The following ITPA variants were observed in gnomAD, a reference collection of about 807,000 sequenced individuals.
ITPA encodes inosine triphosphatase, also known as inosine triphosphate pyrophosphatase.
A neutral mutation model predicts 29.6 loss-of-function variants in ITPA; 29 were observed. The observed-to-expected ratio is 0.98, with a 90% confidence interval of 0.73 to 1.34. The LOEUF (loss-of-function observed/expected upper bound fraction) is 1.34. Ranked by LOEUF, ITPA falls within the 40% of genes most tolerant of loss-of-function variation. The probability of loss-of-function intolerance (pLI) is 0.00; values close to 1 mark genes in which losing one functional copy is unlikely to be tolerated. For synonymous variants in ITPA, 103 were observed against 99.3 expected, an observed-to-expected ratio of 1.04 and a Z score of -0.22; for missense variants, 241 against 251.5, an observed-to-expected ratio of 0.96 and a Z score of 0.28.
At chr20:3,225,065 A>C (rs2067541020), downstream of ITPA, among the ~76,000 whole-genome samples, 1 of 152,112 alleles carries the variant, frequency 6.6e-6, no homozygotes. Context: ...TTTGCTGGGC[A>C]TGGTGGTGCG....
At chr20:3,208,556 G>A (rs936504401), upstream of ITPA, among the ~76,000 whole-genome samples, 7 of 152,072 alleles carry the variant, frequency 4.6e-5, no homozygotes, top group African/African-American at 1.7e-4. Context: ...TGTACTTTTT[G>A]GTAGAGATGG....
At chr20:3,225,911 C>T (rs148441676), downstream of ITPA, among the ~76,000 whole-genome samples, 759 of 152,202 alleles carry the variant, frequency 5.0e-3, 6 homozygotes, top group African/African-American at 0.018. Flanking sequence ...CACCTATAAT[C>T]CCAGCTATTT....
chr20:3,223,348 G>T lies in ITPA; in HGVS notation c.489-18G>T, dbSNP rs1343149914. On this transcript the variant is annotated intron_variant, in intron 7 of 7. Transcript: ENST00000380113. ...TTCCTGAATCTGGGCTCCCTGAGCT[G>T]CTACTGTCACCCCTCAGGTACGCAG... The T allele has an allele frequency of 6.2e-7, 1 of 1,601,054 alleles. No individual in the cohort carries two copies.
intron 6 of ITPA, among the ~76,000 whole-genome samples, chr20:3,220,550 T>TA (rs961818210): frequency 1.3e-5 from 2 of 150,920 alleles, no homozygotes; most frequent in East Asian, 1.9e-4. Context: ...TTTTAAAGAG[T>TA]AAAAAAAAAT....
At chr20:3,216,199 G>A (rs1420697456) in intron 5 of ITPA, among the ~76,000 whole-genome samples, 6 of 136,240 alleles carry the variant, frequency 4.4e-5, no homozygotes, top group East Asian at 2.2e-4. Flanking sequence ...TTGCTCTGTC[G>A]CCCAGGCTGG....
chr20:3,204,263 G>A (rs1456510367), upstream of ITPA, among the ~76,000 whole-genome samples: 1 of 152,224 alleles, frequency 6.6e-6, no homozygotes, highest in Non-Finnish European at 1.5e-5. Flanking sequence ...GCCGGCCAGG[G>A]CCTCAGGCCT....
chr20:3,209,722 C>G lies in ITPA; in HGVS notation c.66+105C>G. 1 of 911,736 alleles carries G rather than the reference C, an allele frequency of 1.1e-6. No homozygotes were observed. The allele number at this position is 911,736 out of a possible 1,614,324, so 56.5% of individuals were successfully genotyped here. On this transcript the variant is annotated intron_variant, in intron 1 of 7. Transcript: ENST00000380113. This position sits in a 1 kb window ranked among gnomAD's most constrained non-coding sequence, Gnocchi z 4.6. ...CGTGGGAGGAGGCATGGAGAGAGAACAGAATTCAGCCCGGAAGAATGGGTC... is the reference window on the plus strand; with the variant it reads ...CGTGGGAGGAGGCATGGAGAGAGAAGAGAATTCAGCCCGGAAGAATGGGTC...
intron 6 of ITPA, 74 bp from the exon 7 acceptor site, chr20:3,221,767 C>T: frequency 1.4e-6 from 2 of 1,384,936 alleles, no homozygotes; most frequent in Non-Finnish European, 2.1e-6. Flanking sequence ...TCACCAAACT[C>T]ATACTGGCCA....
upstream of ITPA, chr20:3,204,644 C>T (rs1165764715): frequency 2.6e-6 from 4 of 1,567,800 alleles, no homozygotes; most frequent in African/African-American, 1.3e-5. Flanking sequence ...GGCCTCAGTG[C>T]AGAACCACTG....
upstream of ITPA, chr20:3,204,733 C>A: frequency 9.1e-7 from 1 of 1,103,666 alleles, no homozygotes. Flanking sequence ...CGGAGCCCCG[C>A]CCAGCGGCAC....
chr20:3,216,393 C>T (rs929557031), intron 5 of ITPA, among the ~76,000 whole-genome samples: 5 of 150,022 alleles, frequency 3.3e-5, no homozygotes, highest in Admixed American at 1.3e-4. Context: ...CTTCTGACCT[C>T]GTGATCTGCC....
intron 1 of ITPA, among the ~76,000 whole-genome samples, chr20:3,210,424 T>C (rs576323971): frequency 4.6e-5 from 7 of 152,348 alleles, no homozygotes; most frequent in Non-Finnish European, 7.3e-5. Flanking sequence ...CTGGCTTTGC[T>C]TGAATCAAGA....
chr20:3,224,197 C>A (rs1323352231), downstream of ITPA, among the ~76,000 whole-genome samples: 1 of 152,194 alleles, frequency 6.6e-6, no homozygotes, highest in Non-Finnish European at 1.5e-5. Context: ...TTTACAATTA[C>A]AATGGCCAGT....
At chr20:3,218,960 C>T in intron 6 of ITPA, 1 of 414,284 alleles carries the variant, frequency 2.4e-6, no homozygotes, top group South Asian at 2.2e-5. Flanking sequence ...CTAACAGCTC[C>T]TGAGGCCTGA....
rs1000166523 is a variant in ITPA, at chr20:3,213,459, A to G, written c.189+76A>G. ...CCAGGGCCTGCGCCTGCTAGAAACAATAGAGTAGACACAGTTTGTTGAGCT... is the reference window on the plus strand; with the variant it reads ...CCAGGGCCTGCGCCTGCTAGAAACAGTAGAGTAGACACAGTTTGTTGAGCT... On this transcript the variant is annotated intron_variant, in intron 3 of 7. Coordinates refer to ENST00000380113, the MANE Select transcript of ITPA (RefSeq NM_033453.4). 4 of 1,553,874 alleles carry G rather than the reference A, an allele frequency of 2.6e-6. No individual in the cohort carries two copies. The Admixed American group carries it at 6.7e-5, about 26-fold the overall frequency.
chr20:3,211,466 C>A (rs190224194), intron 1 of ITPA, among the ~76,000 whole-genome samples: 1 of 150,416 alleles, frequency 6.6e-6, no homozygotes, highest in East Asian at 2.0e-4. Context: ...AACCACCTAG[C>A]CCAGCTGTGT....
chr20:3,222,313 C>G (rs1425838021), intron 7 of ITPA, among the ~76,000 whole-genome samples: 4 of 151,746 alleles, frequency 2.6e-5, no homozygotes, highest in African/African-American at 9.7e-5. Context: ...CCCTCTGCCT[C>G]CCAGGTTCAA....
intron 5 of ITPA, among the ~76,000 whole-genome samples, chr20:3,216,517 G>A (rs561684605): frequency 1.4e-5 from 2 of 144,400 alleles, no homozygotes; most frequent in South Asian, 2.2e-4. Context: ...GCAATGGCAC[G>A]ATCTCGGCTC....
rs1219049790 is a variant in ITPA at position 3,209,804 on chromosome 20, G to A, written c.66+187G>A. 6.6e-6 allele frequency among the ~76,000 whole-genome samples: 1 copy of A among 152,194 alleles called. No homozygotes were observed. The highest frequency in any genetic ancestry group is 1.5e-5 in the Non-Finnish European group (1 of 68,032). On this transcript the variant is annotated intron_variant, in intron 1 of 7. Coordinates refer to ENST00000380113, the MANE Select transcript of ITPA (RefSeq NM_033453.4). This position sits in a 1 kb window ranked among gnomAD's most constrained non-coding sequence, Gnocchi z 4.6. ...AAGAAGGGAGTGGCTGCAGAATCGG[G>A]GCGCCCCGGGGTTGGCGAGGGAACG...
Sources: gnomAD v4.1 joint callset for allele counts (sites outside exome capture counted in the v4.1 genomes callset) on GRCh38, gnomAD v4.1.1 for gene constraint, Gnocchi (gnomAD v3.1) non-coding constraint, MANE v1.5 for transcripts, NCBI Gene and HGNC (gene_info 2026-07-23, HGNC 2026-07-21) for gene names.